Variants in IMMP2L observed in about 807,000 individuals in gnomAD.
The protein encoded by IMMP2L is mitochondrial inner membrane protease subunit 2.
In IMMP2L, 18 loss-of-function variants were observed where a neutral mutation model predicts 19.3. The observed-to-expected ratio is 0.93, with a 90% CI of 0.64 to 1.38. IMMP2L has a LOEUF of 1.38. IMMP2L is among the 40% of genes most tolerant of loss of function. The pLI is 0.00. For missense variants in IMMP2L, 233 were observed against 218.2 expected (o/e 1.07, Z -0.43); for synonymous variants, 76 against 73.0 (o/e 1.04, Z -0.21).
intron 5 of IMMP2L, among the ~76,000 whole-genome samples, chr7:110,681,951 T>G (rs1189439691): frequency 6.6e-6 from 1 of 152,156 alleles, no homozygotes; most frequent in African/African-American, 2.4e-5. Context: ...CAGGAGTTCT[T>G]GTGATGTTGC....
rs929908944 is a variant in IMMP2L, at chr7:111,439,092, T to A, written c.239+48146A>T. On this transcript the variant is annotated intron_variant, in intron 3 of 5. Coordinates refer to ENST00000405709, the MANE Select transcript of IMMP2L (RefSeq NM_032549.4). Reference sequence around the variant, plus strand: ...CCCTTCCTTGACTACACCAGGGACATACTACTACAAATCATTCTGTCTTAT... The same window carrying A: ...CCCTTCCTTGACTACACCAGGGACAAACTACTACAAATCATTCTGTCTTAT... Among the ~76,000 whole-genome samples the A allele has an allele frequency of 1.3e-5, 2 of 151,840 alleles. 1 individual carries two copies. Among genetic ancestry groups the A allele is most frequent in the African/African-American group, 4.9e-5 (2 of 41,150 alleles).
Position 110,994,193 on chromosome 7 carries a change from G to A in IMMP2L, c.240-30628C>T, listed in dbSNP as rs149954399. 3.3e-3 allele frequency among the ~76,000 whole-genome samples: 495 copies of A among 150,876 alleles called. 3 individuals are homozygous for A. The highest frequency in any genetic ancestry group is 6.0e-3 in the Non-Finnish European group (409 of 67,806). On this transcript the variant is annotated intron_variant, in intron 3 of 5. Transcript: ENST00000405709. Reference sequence around the variant, plus strand: ...ACTTGGCTTTCTATTGACAAACCCCGGTTGATCTCTGCTTAGGCCCAAACC... The same window carrying A: ...ACTTGGCTTTCTATTGACAAACCCCAGTTGATCTCTGCTTAGGCCCAAACC...
At chr7:110,692,263 G>A (rs148196623) in intron 5 of IMMP2L, among the ~76,000 whole-genome samples, 4 of 152,272 alleles carry the variant, frequency 2.6e-5, no homozygotes, top group Admixed American at 6.5e-5. Context: ...AATACCATAC[G>A]TTCTCATTCA....
At chr7:111,359,143 C>T (rs1829015047) in intron 3 of IMMP2L, among the ~76,000 whole-genome samples, 1 of 152,134 alleles carries the variant, frequency 6.6e-6, no homozygotes. Context: ...CAGAGGCTGG[C>T]TGCTGTTGCC....
At chr7:110,762,500 G>C (rs973584060) in intron 5 of IMMP2L, among the ~76,000 whole-genome samples, 2 of 152,006 alleles carry the variant, frequency 1.3e-5, no homozygotes, top group Non-Finnish European at 2.9e-5. Flanking sequence ...ATCAACTCCC[G>C]TCTAGGCCTG....
chr7:111,446,911 C>A (rs1838523527), intron 3 of IMMP2L, among the ~76,000 whole-genome samples: 1 of 149,930 alleles, frequency 6.7e-6, no homozygotes. Flanking sequence ...GTGAAGAATG[C>A]AGAAGCCTCA....
At chr7:111,479,527 C>G (rs1190068094) in intron 3 of IMMP2L, among the ~76,000 whole-genome samples, 1 of 151,998 alleles carries the variant, frequency 6.6e-6, no homozygotes, top group Admixed American at 6.6e-5. Flanking sequence ...GCCTTGTGTT[C>G]TATTTCCTGC....
At chr7:111,304,985 G>A (rs983878912) in intron 3 of IMMP2L, among the ~76,000 whole-genome samples, 8 of 152,058 alleles carry the variant, frequency 5.3e-5, no homozygotes, top group Middle Eastern at 6.8e-3. Flanking sequence ...CTTTGTTGGA[G>A]AAAGTGGCTC....
At chr7:110,840,605 T>C (rs1040075232) in intron 5 of IMMP2L, among the ~76,000 whole-genome samples, 1 of 152,162 alleles carries the variant, frequency 6.6e-6, no homozygotes, top group African/African-American at 2.4e-5. Context: ...CTCTACATGC[T>C]GACTTGAAAT....
At chr7:110,829,717 A>G (rs866206317) in intron 5 of IMMP2L, among the ~76,000 whole-genome samples, 1 of 152,200 alleles carries the variant, frequency 6.6e-6, no homozygotes, top group African/African-American at 2.4e-5. Context: ...AACTTTGAAC[A>G]TAATAAATCT....
At chr7:111,066,040 G>A (rs1040298634) in intron 3 of IMMP2L, among the ~76,000 whole-genome samples, 5 of 146,876 alleles carry the variant, frequency 3.4e-5, no homozygotes, top group Non-Finnish European at 7.4e-5. Flanking sequence ...GTGCTATGGC[G>A]CAATCTTGAC....
At chr7:110,783,201 T>C (rs1296596466) in intron 5 of IMMP2L, among the ~76,000 whole-genome samples, 2 of 151,876 alleles carry the variant, frequency 1.3e-5, no homozygotes, top group African/African-American at 2.4e-5. Context: ...GCTAATAAGC[T>C]GAGTTTTGTC....
At chr7:111,262,749 G>A (rs1471608297) in intron 3 of IMMP2L, among the ~76,000 whole-genome samples, 1 of 152,146 alleles carries the variant, frequency 6.6e-6, no homozygotes, top group Non-Finnish European at 1.5e-5. Context: ...GCTATGTGAA[G>A]TAATCCCATG....
chr7:110,716,564 G>C (rs1340670126), intron 5 of IMMP2L, among the ~76,000 whole-genome samples: 1 of 152,146 alleles, frequency 6.6e-6, no homozygotes. Context: ...ATGAAGCTTA[G>C]TTTGGCAGGA....
At chr7:111,368,305 C>T (rs879290816) in intron 3 of IMMP2L, among the ~76,000 whole-genome samples, 1 of 151,872 alleles carries the variant, frequency 6.6e-6, no homozygotes, top group Non-Finnish European at 1.5e-5. Flanking sequence ...AATCCAAATA[C>T]ATGTTCTCCA....
At chr7:111,274,122 A>G (rs980819025) in intron 3 of IMMP2L, among the ~76,000 whole-genome samples, 2 of 152,122 alleles carry the variant, frequency 1.3e-5, no homozygotes, top group African/African-American at 4.8e-5. Context: ...CCCAGGGGGA[A>G]AAAATCAATG....
intron 3 of IMMP2L, among the ~76,000 whole-genome samples, chr7:111,021,493 G>A (rs942131254): frequency 2.6e-5 from 4 of 152,212 alleles, no homozygotes; most frequent in African/African-American, 7.2e-5. Context: ...TGCCTGGGGA[G>A]GCCTCACAAT....
chr7:110,821,406 C>T (rs1803015546), intron 5 of IMMP2L, among the ~76,000 whole-genome samples: 1 of 152,050 alleles, frequency 6.6e-6, no homozygotes, highest in African/African-American at 2.4e-5. Context: ...TAATTTCAAT[C>T]TTTAATTGCT....
At chr7:111,331,483 T>A (rs1825868948) in intron 3 of IMMP2L, among the ~76,000 whole-genome samples, 1 of 151,970 alleles carries the variant, frequency 6.6e-6, no homozygotes, top group South Asian at 2.1e-4. Context: ...ATGCTTTTTT[T>A]AGTTCTATTG....
Sources: allele counts gnomAD v4.1 joint callset (sites outside exome capture counted in the v4.1 genomes callset), GRCh38; gene constraint gnomAD v4.1.1; transcripts MANE v1.5; gene names NCBI Gene and HGNC (gene_info 2026-07-23, HGNC 2026-07-21).